NKX1-1: variants seen among roughly 807,000 people sequenced by gnomAD.
NKX1-1 encodes the protein NK1 transcription factor-related protein 1.
A neutral mutation model predicts 1.7 loss-of-function variants in NKX1-1; 7 were observed. That is an observed-to-expected ratio of 4.22 (90% CI 2.40 to 7.92). The LOEUF (loss-of-function observed/expected upper bound fraction) is 7.92. NKX1-1 is among the 30% of genes most tolerant of loss of function. NKX1-1 has a pLI of 0.00. For missense variants in NKX1-1, 453 were observed against 171.5 expected (o/e 2.64, Z -9.17); for synonymous variants, 242 against 85.3 (o/e 2.84, Z -10.13).
At chr4:1,404,309 C>G (rs1167039691) in intron 1 of NKX1-1, among the ~76,000 whole-genome samples, 1 of 152,266 alleles carries the variant, frequency 6.6e-6, no homozygotes, top group African/African-American at 2.4e-5. Context: ...AGCCAATTGC[C>G]GGGCATTTAA....
In NKX1-1 at chr4:1,406,035, C is replaced by T. The variant is rs1374951131; in HGVS notation, c.408G>A (p.Glu136=). The T allele has an allele frequency of 1.0e-5, 5 of 484,064 alleles. No homozygotes were observed. Among genetic ancestry groups the T allele is most frequent in the African/African-American group, 4.1e-5 (2 of 49,062 alleles). The allele number at this position is 484,064 out of a possible 1,614,324, so 30.0% of individuals were successfully genotyped here. ...SGRPPRAEEL[E]RRALAGAGGV... ...CCCCGGCGCCGGCGAGGGCGCGGCGCTCCAGCTCCTCCGCGCGTGGCGGGC... is the reference window on the plus strand; with the variant it reads ...CCCCGGCGCCGGCGAGGGCGCGGCGTTCCAGCTCCTCCGCGCGTGGCGGGC... The change falls in exon 1 of 2, where the codon GAG becomes GAA. Residue 136 remains glutamate (E), a synonymous_variant. Coordinates refer to ENST00000422806, the MANE Select transcript of NKX1-1 (RefSeq NM_001290079.1).
At chr4:1,404,403 C>A (rs1720716798) in intron 1 of NKX1-1, among the ~76,000 whole-genome samples, 1 of 152,234 alleles carries the variant, frequency 6.6e-6, no homozygotes, top group Admixed American at 6.5e-5. Flanking sequence ...CCCGACCCTA[C>A]CTCAAGCCTC....
In NKX1-1 at chr4:1,406,324, C is replaced by G. The variant is rs1410931393; in HGVS notation, c.119G>C (p.Gly40Ala). 9 of 389,742 alleles carry G rather than the reference C, an allele frequency of 2.3e-5. No homozygotes were observed. Among genetic ancestry groups the G allele is most frequent in the Admixed American group, 4.6e-5 (1 of 21,762 alleles). 24.1% of individuals were successfully genotyped at this position (389,742 alleles called of 1,614,324 possible). ...PAAAAQEAMD[G>A]RAELPAFPRA... ...GGGAAAGGCCGGCAGCTCGGCGCGC[C>G]CGTCCATAGCTTCCTGGGCAGCGGC... Residue 40 changes from glycine to alanine, a missense_variant, in exon 1 of 2, where the codon GGG becomes GCG. Physicochemically the swap from Gly to Ala is moderately conservative, Grantham distance 60 (BLOSUM62 0). Coordinates refer to ENST00000422806, the MANE Select transcript of NKX1-1 (RefSeq NM_001290079.1).
intron 1 of NKX1-1, 136 bp from the exon 2 acceptor site, chr4:1,403,951 G>T (rs899063256): frequency 1.5e-5 from 7 of 464,682 alleles, no homozygotes; most frequent in African/African-American, 1.3e-4. Flanking sequence ...TTCGTCACCC[G>T]CCTCCTCTCT....
intron 1 of NKX1-1, among the ~76,000 whole-genome samples, chr4:1,404,866 T>G (rs1333404020): frequency 1.3e-5 from 2 of 152,084 alleles, no homozygotes; most frequent in African/African-American, 2.4e-5. Flanking sequence ...GGCCAGCAGG[T>G]GGTCTGGGTC....
intron 1 of NKX1-1, among the ~76,000 whole-genome samples, chr4:1,405,293 C>T (rs576425686): frequency 3.0e-4 from 45 of 152,332 alleles, no homozygotes; most frequent in African/African-American, 1.0e-3. Context: ...GAATGCAATT[C>T]GCGATCAATA....
chr4:1,403,860 G>A, intron 1 of NKX1-1, 45 bp from the exon 2 acceptor site: 1 of 574,320 alleles, frequency 1.7e-6, no homozygotes, highest in Admixed American at 3.2e-5. Context: ...GTTAGGACCG[G>A]CCGGTTCCCA....
Position 1,403,123 on chromosome 4 carries a change from G to T in NKX1-1, c.1156C>A (p.Pro386Thr). The T allele has an allele frequency of 2.2e-6, 1 of 457,004 alleles. No individual in the cohort carries two copies. Among genetic ancestry groups the T allele is most frequent in the South Asian group, 4.4e-5 (1 of 22,748 alleles). 28.3% of individuals were successfully genotyped at this position (457,004 alleles called of 1,614,324 possible). ...PGTGLPGGLS[P>T]LSPSPPMGAP... Reference sequence around the variant, plus strand: ...CCCATGGGCGGCGAGGGGCTGAGCGGGCTGAGGCCGCCGGGCAGCCCCGTG... The same window carrying T: ...CCCATGGGCGGCGAGGGGCTGAGCGTGCTGAGGCCGCCGGGCAGCCCCGTG... The change falls in exon 2 of 2, where the codon CCG (proline) becomes ACG (threonine). Residue 386 changes from proline to threonine, a missense_variant. Pro to Thr is a conservative substitution (Grantham distance 38). Transcript: ENST00000422806.
At position 1,403,088 on chromosome 4, in the gene NKX1-1, G is replaced by T; in HGVS notation, c.1191C>A (p.Leu397=). 1 of 448,988 alleles carries T rather than the reference G, an allele frequency of 2.2e-6. No homozygotes were observed. Among genetic ancestry groups the T allele is most frequent in the South Asian group, 4.5e-5 (1 of 22,378 alleles). 27.8% of individuals were successfully genotyped at this position (448,988 alleles called of 1,614,324 possible). A position where few individuals can be genotyped will look rare whatever the true frequency, so the allele number is the denominator to read the frequency against. The change falls in exon 2 of 2, where the codon CTC becomes CTA. Residue 397 remains leucine (L), a synonymous_variant. Coordinates refer to ENST00000422806, the MANE Select transcript of NKX1-1 (RefSeq NM_001290079.1). ...GGTACCCGGCCGGGCCGTGCATGCC[G>T]AGCGGGGCGCCCATGGGCGGCGAGG... The part of the protein sequence containing the change: ...LSPSPPMGAP[L]GMHGPAGYPA...
rs1720682520 is a variant in NKX1-1 at position 1,403,167 on chromosome 4, C to G, written c.1112G>C (p.Gly371Ala). ...CCCCGTGCCAGGCCCGGCCCCCGGT[C>G]CCGGTCCGCCCCCGCCGCCGGTCGG... The part of the protein sequence containing the change: ...SAPTGGGGGP[G>A]PGAGPGTGLP... The change falls in exon 2 of 2, where the codon GGA becomes GCA. Residue 371 changes from glycine (G) to alanine (A), a missense_variant. Coordinates refer to ENST00000422806, the MANE Select transcript of NKX1-1 (RefSeq NM_001290079.1). The G allele has an allele frequency of 1.6e-6, 1 of 615,088 alleles. No individual in the cohort carries two copies. Among genetic ancestry groups the G allele is most frequent in the Admixed American group, 2.5e-5 (1 of 39,378 alleles). The allele number at this position is 615,088 out of a possible 1,614,324, so 38.1% of individuals were successfully genotyped here.
Position 1,406,194 on chromosome 4 carries a change from C to G in NKX1-1, c.249G>C (p.Ser83=), listed in dbSNP as rs1327378133. 5 of 593,708 alleles carry G rather than the reference C, an allele frequency of 8.4e-6. No homozygotes were observed. Among genetic ancestry groups the G allele is most frequent in the African/African-American group, 3.9e-5 (2 of 50,950 alleles). 36.8% of individuals were successfully genotyped at this position (593,708 alleles called of 1,614,324 possible). A position where few individuals can be genotyped will look rare whatever the true frequency, so the allele number is the denominator to read the frequency against. Residue 83 remains serine (S), a synonymous_variant, in exon 1 of 2, where the codon TCG becomes TCC. Coordinates refer to ENST00000422806, the MANE Select transcript of NKX1-1 (RefSeq NM_001290079.1). ...TGTTGGGGTCCAGGATGTCCAGTAC[C>G]GAGAAGGAGGTGGGGCGCAGGGGCG... ...PAAPLRPTSF[S]VLDILDPNKF...
In NKX1-1 at chr4:1,406,243, C is replaced by T. The variant is rs530505865; in HGVS notation, c.200G>A (p.Gly67Glu). ...ASDTVPAAPEGAGAARPAAPL... is the reference protein window; with the variant it reads ...ASDTVPAAPEEAGAARPAAPL... ...CGCTGCGGGCCGGGCCGCTCCAGCC[C>T]CCTCGGGCGCCGCAGGCACAGTGTC... The change falls in exon 1 of 2, where the codon GGG (glycine) becomes GAG (glutamate). Residue 67 changes from glycine (G) to glutamate (E), a missense_variant. Physicochemically the swap from Gly to Glu is moderately conservative, Grantham distance 98. Transcript: ENST00000422806. 8.1e-4 allele frequency: 392 copies of T among 483,114 alleles called. 1 individual carries two copies. Among genetic ancestry groups the T allele is most frequent in the African/African-American group, 7.3e-3 (357 of 48,836 alleles). The allele number at this position is 483,114 out of a possible 1,614,324, so 29.9% of individuals were successfully genotyped here.
rs1328081883 is a variant in NKX1-1, at chr4:1,403,308, C to G, written c.971G>C (p.Cys324Ser). 2 of 711,980 alleles carry G rather than the reference C, an allele frequency of 2.8e-6. No homozygotes were observed. Among genetic ancestry groups the G allele is most frequent in the Admixed American group, 2.1e-5 (1 of 48,598 alleles). 44.1% of individuals were successfully genotyped at this position (711,980 alleles called of 1,614,324 possible). A position where few individuals can be genotyped will look rare whatever the true frequency, so the allele number is the denominator to read the frequency against. The stretch of plus-strand genomic sequence containing the variant: ...CGACAGCGCCAGGTTGAGGCGCTCG[C>G]ACACCGACAGGTAGCGCGTGGCCTT... The part of the protein sequence containing the change: ...KFKATRYLSV[C>S]ERLNLALSLS... Residue 324 changes from cysteine to serine, a missense_variant, in exon 2 of 2, where the codon TGC becomes TCC. Coordinates refer to ENST00000422806, the MANE Select transcript of NKX1-1 (RefSeq NM_001290079.1).
At position 1,403,122 on chromosome 4, in the gene NKX1-1, G is replaced by A. The variant is rs1320839286; in HGVS notation, c.1157C>T (p.Pro386Leu). ...GCCCATGGGCGGCGAGGGGCTGAGC[G>A]GGCTGAGGCCGCCGGGCAGCCCCGT... ...PGTGLPGGLS[P>L]LSPSPPMGAP... The change falls in exon 2 of 2, where the codon CCG becomes CTG. Residue 386 changes from proline to leucine, a missense_variant. Coordinates refer to ENST00000422806, the MANE Select transcript of NKX1-1 (RefSeq NM_001290079.1). The A allele has an allele frequency of 1.1e-5, 5 of 435,328 alleles. No individual in the cohort carries two copies. Among genetic ancestry groups the A allele is most frequent in the Non-Finnish European group, 2.0e-5 (5 of 252,306 alleles). 27.0% of individuals were successfully genotyped at this position (435,328 alleles called of 1,614,324 possible). A position where few individuals can be genotyped will look rare whatever the true frequency, so the allele number is the denominator to read the frequency against.
Position 1,402,979 on chromosome 4 carries a change from C to T in NKX1-1, c.1300G>A (p.Gly434Ser). 1.5e-6 allele frequency: 1 copy of T among 663,296 alleles called. No individual in the cohort carries two copies. The highest frequency in any genetic ancestry group is 3.2e-5 in the East Asian group (1 of 31,520). The allele number at this position is 663,296 out of a possible 1,614,324, so 41.1% of individuals were successfully genotyped here. The change falls in exon 2 of 2, where the codon GGC (glycine) becomes AGC (serine). Residue 434 changes from glycine to serine, a missense_variant. By Grantham distance (56) the Gly-to-Ser change is moderately conservative (BLOSUM62 0). Coordinates refer to ENST00000422806, the MANE Select transcript of NKX1-1 (RefSeq NM_001290079.1). ...SPAVLSPFVL[G>S]SQTYGAPAFY... ...GCGGGCGCCCCGTAGGTCTGCGAGC[C>T]CAGCACGAAGGGCGAGAGCACCGCC...
Position 1,403,711 on chromosome 4 carries a change from C to A in NKX1-1, c.568G>T (p.Val190Phe), listed in dbSNP as rs1249729890. The change falls in exon 2 of 2, where the codon GTT becomes TTT. Residue 190 changes from valine (V) to phenylalanine (F), a missense_variant. Val to Phe is a conservative substitution (Grantham distance 50). Transcript: ENST00000422806. ...HSPSADSGDEVPDDEDDDEDE... is the reference protein window; with the variant it reads ...HSPSADSGDEFPDDEDDDEDE... ...TCGTCGTCGTCCTCGTCGTCGGGAA[C>A]CTCGTCCCCGCTGTCCGCGCTCGGG... 5.8e-6 allele frequency: 4 copies of A among 688,128 alleles called. No individual in the cohort carries two copies. The African/African-American group carries it at 7.4e-5, about 13-fold the overall frequency. 42.6% of individuals were successfully genotyped at this position (688,128 alleles called of 1,614,324 possible).
chr4:1,404,853 G>A (rs1720722774), intron 1 of NKX1-1, among the ~76,000 whole-genome samples: 2 of 152,190 alleles, frequency 1.3e-5, no homozygotes, highest in African/African-American at 2.4e-5. Flanking sequence ...CACCTGGCAT[G>A]GAGGCCAGCA....
chr4:1,403,297 T>C lies in NKX1-1; in HGVS notation c.982A>G (p.Asn328Asp). ...TRYLSVCERLNLALSLSLTET... is the reference protein window; with the variant it reads ...TRYLSVCERLDLALSLSLTET... ...GTGAGGCTGAGCGACAGCGCCAGGT[T>C]GAGGCGCTCGCACACCGACAGGTAG... is the stretch of plus-strand genomic sequence containing the variant. Residue 328 changes from asparagine (N) to aspartate (D), a missense_variant, in exon 2 of 2, where the codon AAC (asparagine) becomes GAC (aspartate). Physicochemically the swap from Asn to Asp is conservative, Grantham distance 23 (BLOSUM62 1). Coordinates refer to ENST00000422806, the MANE Select transcript of NKX1-1 (RefSeq NM_001290079.1). 1 of 713,834 alleles carries C rather than the reference T, an allele frequency of 1.4e-6. No homozygotes were observed. The allele number at this position is 713,834 out of a possible 1,614,324, so 44.2% of individuals were successfully genotyped here.
chr4:1,406,325 C>G lies in NKX1-1; in HGVS notation c.118G>C (p.Gly40Arg), dbSNP rs1307923214. The G allele has an allele frequency of 4.6e-5, 18 of 389,766 alleles. No individual in the cohort carries two copies. The highest frequency in any genetic ancestry group is 7.6e-5 in the Non-Finnish European group (17 of 222,832). 24.1% of individuals were successfully genotyped at this position (389,766 alleles called of 1,614,324 possible). The change falls in exon 1 of 2, where the codon GGG becomes CGG. Residue 40 changes from glycine (G) to arginine (R), a missense_variant. By Grantham distance (125) the Gly-to-Arg change is moderately radical (BLOSUM62 -2). Coordinates refer to ENST00000422806, the MANE Select transcript of NKX1-1 (RefSeq NM_001290079.1). ...PAAAAQEAMD[G>R]RAELPAFPRA... Reference sequence around the variant, plus strand: ...GGAAAGGCCGGCAGCTCGGCGCGCCCGTCCATAGCTTCCTGGGCAGCGGCG... The same window carrying G: ...GGAAAGGCCGGCAGCTCGGCGCGCCGGTCCATAGCTTCCTGGGCAGCGGCG...
Sources: gnomAD v4.1 joint callset for allele counts (sites outside exome capture counted in the v4.1 genomes callset) on GRCh38, gnomAD v4.1.1 for gene constraint, MANE v1.5 for transcripts, NCBI Gene and HGNC (gene_info 2026-07-23, HGNC 2026-07-21) for gene names.